COL4A4: variants seen among roughly 807,000 people sequenced by gnomAD.
COL4A4 encodes collagen type IV alpha 4 chain.
Under a neutral mutation model 192.9 loss-of-function variants are expected in COL4A4, and 105 were observed. That is an observed-to-expected ratio of 0.54 (90% CI 0.46 to 0.64). The LOEUF (loss-of-function observed/expected upper bound fraction) is 0.64, where lower values mean the gene tolerates loss of function less well. COL4A4 is among the 30% of genes least tolerant of loss of function. The pLI, the probability that COL4A4 is intolerant of heterozygous loss-of-function variation, is 0.00. For missense variants in COL4A4, 1,967 were observed against 2,169.3 expected (o/e 0.91, Z 1.85); for synonymous variants, 762 against 769.9 (o/e 0.99, Z 0.17).
At chr2:227,001,418 G>A (rs1274405916), downstream of COL4A4, among the ~76,000 whole-genome samples, 1 of 152,038 alleles carries the variant, frequency 6.6e-6, no homozygotes, top group Non-Finnish European at 1.5e-5. Context: ...TGTCCTCATG[G>A]GTTCCTCACC....
At chr2:227,007,806 C>T (rs1962491095) in intron 47 of COL4A4, among the ~76,000 whole-genome samples, 1 of 152,230 alleles carries the variant, frequency 6.6e-6, no homozygotes, top group African/African-American at 2.4e-5. Flanking sequence ...AACTCATCTT[C>T]TAAATTCTAC....
At chr2:227,070,935 C>A (rs963788598) in intron 25 of COL4A4, among the ~76,000 whole-genome samples, 1 of 151,544 alleles carries the variant, frequency 6.6e-6, no homozygotes, top group South Asian at 2.1e-4. Context: ...GAAACAAAAG[C>A]CTGATATGCA....
intron 15 of COL4A4, 93 bp downstream of exon 15, chr2:227,102,695 CT>C (rs2060591192): frequency 9.3e-7 from 1 of 1,069,538 alleles, no homozygotes; most frequent in African/African-American, 1.6e-5. Flanking sequence ...CTATTCTTCA[CT>C]TTTGAGCTTG....
chr2:227,073,824 T>A lies in COL4A4; in HGVS notation c.1987+4070A>T, dbSNP rs370255559. ...GGACACCCTATTTAATAAATGATGC[T>A]GGGAAAACTGCCAAGCTACATGTAT... is the stretch of plus-strand genomic sequence containing the variant. On this transcript the variant is annotated intron_variant, in intron 25 of 47. Coordinates refer to ENST00000396625, the MANE Select transcript of COL4A4 (RefSeq NM_000092.5). 1.4e-4 allele frequency among the ~76,000 whole-genome samples: 21 copies of A among 152,188 alleles called. No homozygotes were observed. In the East Asian group the frequency reaches 4.1e-3, roughly 29 times the overall value.
intron 46 of COL4A4, among the ~76,000 whole-genome samples, chr2:227,009,574 T>C (rs1963078479): frequency 6.6e-6 from 1 of 152,114 alleles, no homozygotes; most frequent in East Asian, 1.9e-4. Flanking sequence ...GGCACAAGTC[T>C]GTAGTCTCAG....
intron 37 of COL4A4, among the ~76,000 whole-genome samples, chr2:227,037,958 G>C (rs186150147): frequency 1.3e-5 from 2 of 151,894 alleles, no homozygotes; most frequent in East Asian, 3.9e-4. Context: ...AAATTTGTTT[G>C]AATTCCTTGT....
rs58038992 is a variant in COL4A4 at position 227,031,041 on chromosome 2, A to AGATG, written c.3818-447_3818-444dup. Among the ~76,000 whole-genome samples, 497 of 146,342 alleles carry AGATG rather than the reference A, an allele frequency of 3.4e-3. 3 individuals are homozygous for AGATG. Among genetic ancestry groups the AGATG allele is most frequent in the African/African-American group, 9.0e-3 (350 of 38,942 alleles). On this transcript the variant is annotated intron_variant, in intron 40 of 47. Transcript: ENST00000396625. ...TATGTGGATAGATGGTTGGATGGAC[A>AGATG]GATGGATGGATGGATGGATGGATGG...
intron 1 of COL4A4, among the ~76,000 whole-genome samples, chr2:227,150,658 C>T (rs1438609205): frequency 6.6e-6 from 1 of 152,132 alleles, no homozygotes; most frequent in African/African-American, 2.4e-5. Context: ...AGGAAATTTA[C>T]ACTCATAGCA....
chr2:227,101,900 C>G lies in COL4A4; in HGVS notation c.940G>C (p.Gly314Arg). 2 of 1,597,432 alleles carry G rather than the reference C, an allele frequency of 1.3e-6. No homozygotes were observed. Among genetic ancestry groups the G allele is most frequent in the Non-Finnish European group, 1.7e-6 (2 of 1,168,760 alleles). The change falls in exon 16 of 48, where the codon GGT becomes CGT. Residue 314 changes from glycine to arginine, a missense_variant. Transcript: ENST00000396625. ...GGAAAACCTGGAGATCCATAGGAAC[C>G]AGGATCCCCCTAATAAATTCACAAA... ...PGFPGPRGDP[G>R]SYGSPGFPGL...
At chr2:227,024,011 A>G (rs1484886773) in intron 43 of COL4A4, among the ~76,000 whole-genome samples, 1 of 150,686 alleles carries the variant, frequency 6.6e-6, no homozygotes, top group African/African-American at 2.4e-5. Flanking sequence ...TCTCAAAAAA[A>G]AAAAACAAAA....
intron 7 of COL4A4, among the ~76,000 whole-genome samples, chr2:227,115,038 A>T (rs1206483101): frequency 6.6e-6 from 1 of 151,618 alleles, no homozygotes; most frequent in Non-Finnish European, 1.5e-5. Context: ...CCCTAGAAAC[A>T]GTAAAACGTA....
At chr2:227,133,380 AG>A (rs1237037133) in intron 4 of COL4A4, among the ~76,000 whole-genome samples, 2 of 152,206 alleles carry the variant, frequency 1.3e-5, no homozygotes, top group Non-Finnish European at 2.9e-5. Context: ...GGCAGATAAA[AG>A]CTTCTTTTCT....
chr2:227,090,066 C>A, intron 20 of COL4A4, 109 bp from the exon 21 acceptor site: 1 of 778,558 alleles, frequency 1.3e-6, no homozygotes. Context: ...TGCTTCCTTT[C>A]CCAACCCCAT....
chr2:227,005,232 T>C lies in COL4A4; in HGVS notation c.*2093A>G, dbSNP rs1407195606. ...TTTTTTTTTTACTTATTTATTAACTTATGAAGATAATATTCTAATACCAAC... is the reference window on the plus strand; with the variant it reads ...TTTTTTTTTTACTTATTTATTAACTCATGAAGATAATATTCTAATACCAAC... On this transcript the variant is annotated 3_prime_UTR_variant, in exon 48 of 48. Coordinates refer to ENST00000396625, the MANE Select transcript of COL4A4 (RefSeq NM_000092.5). 1 of 151,892 alleles carries C rather than the reference T, an allele frequency of 6.6e-6. No individual in the cohort carries two copies. The highest frequency in any genetic ancestry group is 1.9e-4 in the East Asian group (1 of 5,192). The allele number at this position is 151,892 out of a possible 1,614,324, so 9.4% of individuals were successfully genotyped here.
rs2150806337 is a variant in COL4A4, at chr2:227,104,038, C to T, written c.750G>A (p.Gln250=). 1 of 1,612,986 alleles carries T rather than the reference C, an allele frequency of 6.2e-7. No individual in the cohort carries two copies. The highest frequency in any genetic ancestry group is 8.5e-7 in the Non-Finnish European group (1 of 1,179,768). ...GQMGDPGEVG[Q]QGSPGPTLLV... is the part of the protein sequence containing the mutation. ...ACAGGGTGGGTCCAGGAGAACCTTGCTGACCAACCTCACCCTTAAAAAAAA... is the reference window on the plus strand; with the variant it reads ...ACAGGGTGGGTCCAGGAGAACCTTGTTGACCAACCTCACCCTTAAAAAAAA... Residue 250 remains glutamine (Q), a synonymous_variant, in exon 13 of 48, where the codon CAG becomes CAA. Coordinates refer to ENST00000396625, the MANE Select transcript of COL4A4 (RefSeq NM_000092.5).
chr2:227,146,806 C>G (rs1174384709), intron 2 of COL4A4, among the ~76,000 whole-genome samples: 1 of 152,156 alleles, frequency 6.6e-6, no homozygotes, highest in South Asian at 2.1e-4. Context: ...ATCCCGCTGG[C>G]CTCTGTTTTT....
chr2:227,141,916 T>A (rs896843439), intron 3 of COL4A4, among the ~76,000 whole-genome samples: 9 of 152,100 alleles, frequency 5.9e-5, no homozygotes, highest in African/African-American at 2.2e-4. Flanking sequence ...CATTACTATG[T>A]GTTCGCTGAA....
chr2:226,988,258 G>A, the COL4A4 span: 6 of 1,382,856 alleles, frequency 4.3e-6, no homozygotes, highest in East Asian at 1.3e-4. Context: ...ACTCATATCA[G>A]GGCCCTGAGG....
At chr2:227,102,594 C>G (rs558627338) in intron 15 of COL4A4, among the ~76,000 whole-genome samples, 195 bp downstream of exon 15, 15 of 152,270 alleles carry the variant, frequency 9.9e-5, no homozygotes, top group African/African-American at 3.6e-4. Flanking sequence ...TTTTGCTTGC[C>G]TGTTTTATCT....
Sources: gnomAD v4.1 joint callset for allele counts (sites outside exome capture counted in the v4.1 genomes callset) on GRCh38, gnomAD v4.1.1 for gene constraint, MANE v1.5 for transcripts, NCBI Gene and HGNC (gene_info 2026-07-23, HGNC 2026-07-21) for gene names.